The following ABHD5 variants were observed in gnomAD, a reference collection of about 807,000 sequenced individuals.
ABHD5 encodes the protein 1-acylglycerol-3-phosphate O-acyltransferase ABHD5.
A neutral mutation model predicts 44.9 loss-of-function variants in ABHD5; 30 were observed. That is an observed-to-expected ratio of 0.67 (90% CI 0.50 to 0.91). The LOEUF (loss-of-function observed/expected upper bound fraction) is 0.91, where lower values mean the gene tolerates loss of function less well. ABHD5 is among the 40% of genes least tolerant of loss of function. The pLI is 0.00. For missense variants in ABHD5, 399 were observed against 423.4 expected (o/e 0.94, Z 0.50); for synonymous variants, 167 against 147.0 (o/e 1.14, Z -0.99).
At chr3:43,694,258 CAAAAAA>C (rs80129256) in intron 1 of ABHD5, among the ~76,000 whole-genome samples, 2 of 45,546 alleles carry the variant, frequency 4.4e-5, no homozygotes, top group South Asian at 7.6e-4. Context: ...GACTCCGTCT[CAAAAAA>C]AAAAAAAAAA....
intron 5 of ABHD5, 65 bp downstream of exon 5, chr3:43,715,123 G>GTGTT: frequency 1.2e-6 from 1 of 806,292 alleles, no homozygotes; most frequent in Middle Eastern, 3.2e-4. Context: ...GTGTGTGTTT[G>GTGTT]TGTGTGTTTT....
intron 5 of ABHD5, among the ~76,000 whole-genome samples, chr3:43,716,531 TG>T (rs927419133): frequency 2.0e-5 from 3 of 152,126 alleles, no homozygotes; most frequent in Non-Finnish European, 4.4e-5. Flanking sequence ...ATTGAGGCCA[TG>T]GTAGCTATTT....
chr3:43,729,787 G>C (rs1369099973), intron 7 of ABHD5, among the ~76,000 whole-genome samples: 1 of 152,190 alleles, frequency 6.6e-6, no homozygotes, highest in Non-Finnish European at 1.5e-5. Flanking sequence ...TGTTAGTATA[G>C]GCCAGCACTG....
intron 7 of ABHD5, among the ~76,000 whole-genome samples, chr3:43,727,746 C>A (rs1437247598): frequency 6.6e-6 from 1 of 152,054 alleles, no homozygotes; most frequent in Non-Finnish European, 1.5e-5. Context: ...GTAGCTGGGG[C>A]TATAGGCATG....
At chr3:43,725,615 TTAAAA>T (rs1277521450), downstream of ABHD5, among the ~76,000 whole-genome samples, 5 of 152,170 alleles carry the variant, frequency 3.3e-5, no homozygotes, top group Admixed American at 3.3e-4. Context: ...TTTTAAAAAA[TTAAAA>T]TATTGTGTTC....
chr3:43,715,773 A>G (rs1045503124), intron 5 of ABHD5, among the ~76,000 whole-genome samples: 1 of 152,196 alleles, frequency 6.6e-6, no homozygotes, highest in Non-Finnish European at 1.5e-5. Flanking sequence ...AAAAAAGAAA[A>G]AAGGGTGCTG....
chr3:43,704,140 A>G (rs2084586204), intron 3 of ABHD5, among the ~76,000 whole-genome samples: 1 of 149,368 alleles, frequency 6.7e-6, no homozygotes. Context: ...CCCAGGTTCA[A>G]GCAATTCTCC....
rs1487634563 is a variant in ABHD5, at chr3:43,711,782, A to G, written c.580A>G (p.Ile194Val). The stretch of plus-strand genomic sequence containing the variant: ...AGACCTTGCTGATCAAGACAGACCA[A>G]TTCCAGTTTGGATCAGAGCCTTGGG... ...RPDLADQDRP[I>V]PVWIRALGAA... The change falls in exon 4 of 7, where the codon ATT becomes GTT. Residue 194 changes from isoleucine to valine, a missense_variant. Transcript: ENST00000644371. The G allele has an allele frequency of 6.2e-7, 1 of 1,614,082 alleles. No homozygotes were observed. Among genetic ancestry groups the G allele is most frequent in the Non-Finnish European group, 8.5e-7 (1 of 1,180,036 alleles).
chr3:43,700,994 A>T (rs1483188039), intron 2 of ABHD5, among the ~76,000 whole-genome samples: 1 of 152,200 alleles, frequency 6.6e-6, no homozygotes, highest in Non-Finnish European at 1.5e-5. Context: ...TCTTATCAGG[A>T]GGTAAAAAAG....
Position 43,702,434 on chromosome 3 carries a change from C to T in ABHD5, c.353C>T (p.Pro118Leu). Residue 118 changes from proline to leucine, a missense_variant, in exon 3 of 7, where the codon CCC (proline) becomes CTC (leucine). Coordinates refer to ENST00000644371, the MANE Select transcript of ABHD5 (RefSeq NM_016006.6). ...TTGGGTTTTGGACGAAGTAGTAGAC[C>T]CAGGTTTGACAGTGATGCAGAAGAA... ...DLLGFGRSSR[P>L]RFDSDAEEVE... The T allele has an allele frequency of 6.2e-7, 1 of 1,614,086 alleles. No individual in the cohort carries two copies. Among genetic ancestry groups the T allele is most frequent in the Non-Finnish European group, 8.5e-7 (1 of 1,180,024 alleles).
chr3:43,692,411 C>T (rs1385352726), intron 1 of ABHD5, among the ~76,000 whole-genome samples: 2 of 152,166 alleles, frequency 1.3e-5, no homozygotes, highest in Non-Finnish European at 2.9e-5. Flanking sequence ...CTTGACACTA[C>T]TTTCAGGTGG....
At chr3:43,722,791 A>G (rs1425218947), downstream of ABHD5, 2 of 152,262 alleles carry the variant, frequency 1.3e-5, no homozygotes, top group African/African-American at 4.8e-5. Context: ...GTGTTAAAAC[A>G]AATATTTACT....
rs1412413069 is a variant in ABHD5, at chr3:43,722,222, A to G, written c.*3690A>G. The stretch of plus-strand genomic sequence containing the variant: ...GAATTGATGGAAGGAACTAGGGTAT[A>G]TCTATACAATGGGATACTACACAGC... On this transcript the variant is annotated 3_prime_UTR_variant, in exon 7 of 7. Coordinates refer to ENST00000644371, the MANE Select transcript of ABHD5 (RefSeq NM_016006.6). 2 of 152,262 alleles carry G rather than the reference A, an allele frequency of 1.3e-5. No individual in the cohort carries two copies. Among genetic ancestry groups the G allele is most frequent in the African/African-American group, 2.4e-5 (1 of 41,476 alleles). The allele number at this position is 152,262 out of a possible 1,614,324, so 9.4% of individuals were successfully genotyped here. A position where few individuals can be genotyped will look rare whatever the true frequency, so the allele number is the denominator to read the frequency against.
At chr3:43,702,799 G>C (rs1396119798) in intron 3 of ABHD5, among the ~76,000 whole-genome samples, 2 of 152,142 alleles carry the variant, frequency 1.3e-5, no homozygotes, top group African/African-American at 4.8e-5. Flanking sequence ...AATAGGCTTG[G>C]GAAAGGGGTT....
intron 7 of ABHD5, chr3:43,733,851 A>G (rs534761615): frequency 6.6e-6 from 1 of 152,192 alleles, no homozygotes; most frequent in Non-Finnish European, 1.5e-5. Context: ...TTGAGAATTG[A>G]TTCATTAACA....
At chr3:43,691,161 C>T (rs2084370235) in intron 1 of ABHD5, 122 bp downstream of exon 1, 2 of 1,001,658 alleles carry the variant, frequency 2.0e-6, no homozygotes, top group South Asian at 5.4e-5. Context: ...GGGCGGCTTC[C>T]TCGACCCTCC....
intron 3 of ABHD5, among the ~76,000 whole-genome samples, chr3:43,707,502 GC>G (rs58639555): frequency 6.6e-6 from 1 of 152,294 alleles, no homozygotes; most frequent in East Asian, 1.9e-4. Context: ...ATGGCTTGGA[GC>G]CAATGGGAAA....
chr3:43,702,216 T>C lies in ABHD5; in HGVS notation c.135T>C (p.Cys45=). ...LKEAEEKMLK[C]VPCTYKKEPV... ...ATTTCTCTTTTATGTTTTCATTAGGTGTGCCTTGCACATACAAAAAAGAAC... is the reference window on the plus strand; with the variant it reads ...ATTTCTCTTTTATGTTTTCATTAGGCGTGCCTTGCACATACAAAAAAGAAC... The change falls in exon 3 of 7, where the codon TGT becomes TGC. Residue 45 remains cysteine, a splice_region_variant and synonymous_variant. Transcript: ENST00000644371. 3 of 1,579,782 alleles carry C rather than the reference T, an allele frequency of 1.9e-6. No homozygotes were observed. Among genetic ancestry groups the C allele is most frequent in the Non-Finnish European group, 2.6e-6 (3 of 1,158,914 alleles).
intron 4 of ABHD5, among the ~76,000 whole-genome samples, chr3:43,714,545 A>G (rs1360973887): frequency 6.6e-6 from 1 of 152,200 alleles, no homozygotes; most frequent in Non-Finnish European, 1.5e-5. Flanking sequence ...AGAAATAATT[A>G]TGTATACCAG....
Sources: allele counts gnomAD v4.1 joint callset (sites outside exome capture counted in the v4.1 genomes callset), GRCh38; gene constraint gnomAD v4.1.1; transcripts MANE v1.5; gene names NCBI Gene and HGNC (gene_info 2026-07-23, HGNC 2026-07-21).